ZNF266: variants seen among roughly 807,000 people sequenced by gnomAD.
The protein encoded by ZNF266 is zinc finger protein 1.
Under a neutral mutation model 16.4 loss-of-function variants are expected in ZNF266, and 16 were observed. That is an observed-to-expected ratio of 0.98 (90% CI 0.66 to 1.48). The LOEUF is 1.48. ZNF266 is among the 40% of genes most tolerant of loss of function. The probability of loss-of-function intolerance (pLI) is 0.00; values close to 1 mark genes in which losing one functional copy is unlikely to be tolerated. For synonymous variants in ZNF266, 262 were observed against 237.9 expected (o/e 1.10, Z -0.93); for missense variants, 738 against 689.1 (o/e 1.07, Z -0.79).
In ZNF266 at chr19:9,435,526, G is replaced by C. The variant is rs1414877735; in HGVS notation, c.-800C>G. Reference sequence around the variant, plus strand: ...GCTGTATTAAGCCCAAACGCCACCAGGAAGAAAACGGGTTTGGCGGCGCGG... The same window carrying C: ...GCTGTATTAAGCCCAAACGCCACCACGAAGAAAACGGGTTTGGCGGCGCGG... On this transcript the variant is annotated 5_prime_UTR_variant, in exon 1 of 11. Transcript: ENST00000592904. 1 of 152,260 alleles carries C rather than the reference G, an allele frequency of 6.6e-6. No individual in the cohort carries two copies. The highest frequency in any genetic ancestry group is 2.4e-5 in the African/African-American group (1 of 41,460). The allele number at this position is 152,260 out of a possible 1,614,324, so 9.4% of individuals were successfully genotyped here.
In ZNF266 at chr19:9,435,489, G is replaced by T. The variant is rs1230121193; in HGVS notation, c.-763C>A. Reference sequence around the variant, plus strand: ...CACCGCTGGCTCCCACCCGTCATCCGACCTCGCCAAAGCTGTATTAAGCCC... The same window carrying T: ...CACCGCTGGCTCCCACCCGTCATCCTACCTCGCCAAAGCTGTATTAAGCCC... On this transcript the variant is annotated 5_prime_UTR_variant, in exon 1 of 11. Transcript: ENST00000592904. The T allele has an allele frequency of 2.0e-5, 3 of 152,334 alleles. No homozygotes were observed. Among genetic ancestry groups the T allele is most frequent in the Non-Finnish European group, 4.4e-5 (3 of 68,182 alleles). The allele number at this position is 152,334 out of a possible 1,614,324, so 9.4% of individuals were successfully genotyped here.
At chr19:9,426,830 GA>G (rs898255834) in intron 5 of ZNF266, among the ~76,000 whole-genome samples, 16 of 151,802 alleles carry the variant, frequency 1.1e-4, no homozygotes, top group South Asian at 2.1e-4. Context: ...AAATACAGGA[GA>G]AAAAAAATAG....
At chr19:9,428,226 C>G (rs918490756) in intron 5 of ZNF266, among the ~76,000 whole-genome samples, 8 of 152,190 alleles carry the variant, frequency 5.3e-5, no homozygotes, top group African/African-American at 1.7e-4. Context: ...ATGCAGCTGC[C>G]CACTGTGCTC....
chr19:9,428,252 A>AC (rs1057351413), intron 5 of ZNF266, among the ~76,000 whole-genome samples: 1 of 151,882 alleles, frequency 6.6e-6, no homozygotes, highest in Non-Finnish European at 1.5e-5. Context: ...CAGGGAAACA[A>AC]CCCCCCATAA....
intron 5 of ZNF266, among the ~76,000 whole-genome samples, chr19:9,425,214 G>A (rs1257701140): frequency 3.9e-5 from 6 of 152,144 alleles, no homozygotes; most frequent in African/African-American, 7.2e-5. Context: ...GAGGGATAAC[G>A]TCCATGCACC....
At chr19:9,432,768 T>C (rs945365797) in intron 5 of ZNF266, among the ~76,000 whole-genome samples, 9 of 140,466 alleles carry the variant, frequency 6.4e-5, no homozygotes, top group African/African-American at 2.2e-4. Context: ...TGGTATGTGA[T>C]GGCAGTTAAC....
At chr19:9,429,863 ACC>A (rs553519353) in intron 5 of ZNF266, among the ~76,000 whole-genome samples, 1 of 152,186 alleles carries the variant, frequency 6.6e-6, no homozygotes, top group South Asian at 2.1e-4. Context: ...AAACTCCTTA[ACC>A]CCAGGGAGGG....
chr19:9,431,479 C>T (rs574675322), intron 5 of ZNF266, among the ~76,000 whole-genome samples: 12 of 152,316 alleles, frequency 7.9e-5, no homozygotes, highest in Middle Eastern at 3.4e-3. Context: ...CAAAGGCCTC[C>T]GAACGTGAAC....
chr19:9,415,342 G>T (rs114702872), intron 10 of ZNF266, among the ~76,000 whole-genome samples: 2,588 of 152,258 alleles, frequency 0.017, 64 homozygotes, highest in African/African-American at 0.059. Flanking sequence ...GCATCCCCAG[G>T]TCATCGTATT....
chr19:9,415,074 C>T (rs527715777), intron 10 of ZNF266, among the ~76,000 whole-genome samples: 2 of 152,294 alleles, frequency 1.3e-5, no homozygotes, highest in East Asian at 3.9e-4. Flanking sequence ...GTGGGCAGAT[C>T]ACCTCAGGTC....
Position 9,413,692 on chromosome 19 carries a change from G to C in ZNF266, c.1434C>G (p.Val478=). The C allele has an allele frequency of 4.3e-6, 7 of 1,613,166 alleles. No homozygotes were observed. Among genetic ancestry groups the C allele is most frequent in the Non-Finnish European group, 5.9e-6 (7 of 1,179,778 alleles). Reference sequence around the variant, plus strand: ...AAATAGCAAAGGCTTTCCCACATTTGACACATTCAAAAGGCTTCTCTCCAG... The same window carrying C: ...AAATAGCAAAGGCTTTCCCACATTTCACACATTCAAAAGGCTTCTCTCCAG... The part of the protein sequence containing the change: ...THTGEKPFEC[V]KCGKAFAISS... The change falls in exon 11 of 11, where the codon GTC becomes GTG. Residue 478 remains valine (V), a synonymous_variant. Transcript: ENST00000592904.
chr19:9,423,625 C>T (rs7254750), intron 5 of ZNF266, among the ~76,000 whole-genome samples: 88,461 of 151,992 alleles, frequency 0.58, 26,180 homozygotes, highest in African/African-American at 0.66. Flanking sequence ...TTCTGACTCA[C>T]AGGTCAAGGT....
intron 5 of ZNF266, among the ~76,000 whole-genome samples, chr19:9,423,842 G>A (rs530653982): frequency 3.3e-5 from 5 of 152,060 alleles, no homozygotes; most frequent in East Asian, 1.9e-4. Context: ...CTAAAAACAC[G>A]AAAAATTAGC....
At chr19:9,414,814 A>T in intron 10 of ZNF266, 94 bp from the exon 11 acceptor site, 1 of 1,374,204 alleles carries the variant, frequency 7.3e-7, no homozygotes, top group Non-Finnish European at 9.6e-7. Context: ...GATGATTATT[A>T]TCATGTTTAC....
Position 9,413,621 on chromosome 19 carries a change from G to C in ZNF266, c.1505C>G (p.Pro502Arg). The C allele has an allele frequency of 6.2e-7, 1 of 1,613,940 alleles. No homozygotes were observed. The highest frequency in any genetic ancestry group is 8.5e-7 in the Non-Finnish European group (1 of 1,179,988). ...TTTACCACATTCCAGGCACTCAAAG[G>C]GCTTCTCTCCAGTGTGAATTCTCAA... is the stretch of plus-strand genomic sequence containing the variant. ...GHLRIHTGEK[P>R]FECLECGKAF... Residue 502 changes from proline (P) to arginine (R), a missense_variant, in exon 11 of 11, where the codon CCC (proline) becomes CGC (arginine). Physicochemically the swap from Pro to Arg is moderately radical, Grantham distance 103 (BLOSUM62 -2). Transcript: ENST00000592904.
intron 5 of ZNF266, among the ~76,000 whole-genome samples, chr19:9,422,073 G>A (rs926797481): frequency 1.1e-4 from 17 of 152,100 alleles, no homozygotes; most frequent in African/African-American, 2.7e-4. Flanking sequence ...GGATGGTCTC[G>A]ATCTCCTGAC....
chr19:9,413,678 G>A lies in ZNF266; in HGVS notation c.1448C>T (p.Ala483Val), dbSNP rs748412559. The change falls in exon 11 of 11, where the codon GCC (alanine) becomes GTC (valine). Residue 483 changes from alanine (A) to valine (V), a missense_variant. Ala to Val is a moderately conservative substitution (Grantham distance 64). Transcript: ENST00000592904. Reference sequence around the variant, plus strand: ...ACTAAGATTTGAAGAAATAGCAAAGGCTTTCCCACATTTGACACATTCAAA... The same window carrying A: ...ACTAAGATTTGAAGAAATAGCAAAGACTTTCCCACATTTGACACATTCAAA... The part of the protein sequence containing the change: ...KPFECVKCGK[A>V]FAISSNLSGH... The A allele has an allele frequency of 6.2e-7, 1 of 1,614,130 alleles. No homozygotes were observed. The highest frequency in any genetic ancestry group is 8.5e-7 in the Non-Finnish European group (1 of 1,180,016).
Position 9,413,358 on chromosome 19 carries a change from T to TAG in ZNF266, c.1767_1768insCT (p.Lys590LeufsTer35). On this transcript the variant is annotated frameshift_variant, in exon 11 of 11. Coordinates refer to ENST00000592904, the MANE Select transcript of ZNF266 (RefSeq NM_001370374.1). LOFTEE classifies it low-confidence loss of function (END_TRUNC). ...GAACTGAAGGCTTTCCCGCACTCCTTACATTCATAGGGTTTCTCTCCAGTG... is the reference window on the plus strand; with the variant it reads ...GAACTGAAGGCTTTCCCGCACTCCTTAGACATTCATAGGGTTTCTCTCCAGTG... 6.2e-7 allele frequency: 1 copy of TAG among 1,614,100 alleles called. No individual in the cohort carries two copies. Among genetic ancestry groups the TAG allele is most frequent in the Non-Finnish European group, 8.5e-7 (1 of 1,179,956 alleles).
intron 5 of ZNF266, among the ~76,000 whole-genome samples, chr19:9,428,999 C>T (rs1313547043): frequency 6.6e-6 from 1 of 152,062 alleles, no homozygotes; most frequent in African/African-American, 2.4e-5. Flanking sequence ...CTCCCAAACT[C>T]CTGGGATTAC....
Sources: gnomAD v4.1 joint callset for allele counts (sites outside exome capture counted in the v4.1 genomes callset) on GRCh38, gnomAD v4.1.1 for gene constraint, MANE v1.5 for transcripts, NCBI Gene and HGNC (gene_info 2026-07-23, HGNC 2026-07-21) for gene names.